CHSY3: variants seen among roughly 807,000 people sequenced by gnomAD.
CHSY3 encodes N-acetylgalactosaminyl-proteoglycan 3-beta-glucuronosyltransferase 3.
Under a neutral mutation model 67.2 loss-of-function variants are expected in CHSY3, and 35 were observed. The observed-to-expected ratio is 0.52, with a 90% CI of 0.40 to 0.69. The LOEUF is 0.69. Among genes scored for constraint, CHSY3 ranks in the 30% least tolerant of loss-of-function variants. The pLI is 0.00. For synonymous variants in CHSY3, 474 were observed against 434.7 expected (o/e 1.09, Z -1.12); for missense variants, 1,069 against 1,138.5 (o/e 0.94, Z 0.88).
chr5:130,141,758 G>A, intron 2 of CHSY3: 2 of 470,782 alleles, frequency 4.2e-6, no homozygotes, highest in East Asian at 5.5e-5. Flanking sequence ...ATTATCAACT[G>A]GCTGGATAAG....
chr5:130,025,668 G>C (rs901057150), intron 2 of CHSY3, among the ~76,000 whole-genome samples: 2 of 152,064 alleles, frequency 1.3e-5, no homozygotes, highest in African/African-American at 4.8e-5. Context: ...TGGTTTTTGA[G>C]TCATAGACAG....
intron 2 of CHSY3, among the ~76,000 whole-genome samples, chr5:129,935,565 A>C (rs1451143019): frequency 1.3e-5 from 2 of 152,220 alleles, no homozygotes; most frequent in Non-Finnish European, 2.9e-5. Flanking sequence ...AAATAGTTGC[A>C]TAAGGGGAGT....
At chr5:129,922,049 G>A (rs1338411619) in intron 2 of CHSY3, among the ~76,000 whole-genome samples, 2 of 152,046 alleles carry the variant, frequency 1.3e-5, no homozygotes, top group African/African-American at 2.4e-5. Context: ...TTCATGAGTT[G>A]TTGTTTTAAT....
chr5:129,976,825 G>T (rs1370048650), intron 2 of CHSY3, among the ~76,000 whole-genome samples: 2 of 151,434 alleles, frequency 1.3e-5, no homozygotes, highest in Non-Finnish European at 2.9e-5. Context: ...TCTGTCTGGG[G>T]GGTTCACTTC....
chr5:129,979,200 A>C (rs1465568373), intron 2 of CHSY3, among the ~76,000 whole-genome samples: 1 of 34,926 alleles, frequency 2.9e-5, no homozygotes, highest in South Asian at 7.4e-4. Context: ...ACTCCGTCTC[A>C]AAAAAAAAAA....
chr5:129,939,273 C>A lies in CHSY3; in HGVS notation c.1086+30913C>A, dbSNP rs370411767. On this transcript the variant is annotated intron_variant, in intron 2 of 2. Transcript: ENST00000305031. ...CCGATTCAGTCACCTCCTACCAGGC[C>A]CCTCCTCCAACACTGGGGATTGCAG... 1.1e-4 allele frequency among the ~76,000 whole-genome samples: 17 copies of A among 152,144 alleles called. No individual in the cohort carries two copies. In the East Asian group the frequency reaches 1.5e-3, roughly 14 times the overall value.
At chr5:129,926,273 A>G (rs533385473) in intron 2 of CHSY3, among the ~76,000 whole-genome samples, 9 of 152,170 alleles carry the variant, frequency 5.9e-5, no homozygotes, top group Admixed American at 5.9e-4. Context: ...TGTCAAGCCC[A>G]CAGGTTATTT....
intron 2 of CHSY3, among the ~76,000 whole-genome samples, chr5:130,070,261 T>A (rs71589965): frequency 6.6e-6 from 1 of 152,134 alleles, no homozygotes; most frequent in Non-Finnish European, 1.5e-5. Context: ...TGGATTACTG[T>A]TATGTATTCA....
At chr5:129,967,917 G>A (rs1319324200) in intron 2 of CHSY3, among the ~76,000 whole-genome samples, 1 of 151,736 alleles carries the variant, frequency 6.6e-6, no homozygotes, top group Non-Finnish European at 1.5e-5. Flanking sequence ...AAACTTGCAT[G>A]AATTTTTGGT....
chr5:130,000,290 T>C (rs535802684), intron 2 of CHSY3, among the ~76,000 whole-genome samples: 1 of 152,226 alleles, frequency 6.6e-6, no homozygotes, highest in Non-Finnish European at 1.5e-5. Context: ...AATAACACTT[T>C]GTAGCAGGTA....
chr5:129,965,667 G>A (rs142419511), intron 2 of CHSY3, among the ~76,000 whole-genome samples: 3 of 151,900 alleles, frequency 2.0e-5, no homozygotes, highest in Admixed American at 2.0e-4. Context: ...TCGTGGGGAG[G>A]TTACTAATTT....
chr5:130,000,287 C>G (rs746241503), intron 2 of CHSY3, among the ~76,000 whole-genome samples: 2 of 152,128 alleles, frequency 1.3e-5, no homozygotes, highest in Non-Finnish European at 2.9e-5. Flanking sequence ...AAAAATAACA[C>G]TTTGTAGCAG....
At chr5:130,149,492 C>T (rs1580782558) in intron 2 of CHSY3, among the ~76,000 whole-genome samples, 4 of 152,112 alleles carry the variant, frequency 2.6e-5, no homozygotes, top group African/African-American at 7.2e-5. Flanking sequence ...TGCATGAACT[C>T]GGAGCAAGAG....
chr5:130,097,507 AC>A (rs1179672902), intron 2 of CHSY3, among the ~76,000 whole-genome samples: 1 of 152,186 alleles, frequency 6.6e-6, no homozygotes, highest in African/African-American at 2.4e-5. Flanking sequence ...ACAAAGTGCT[AC>A]TGCAGGATTC....
intron 2 of CHSY3, among the ~76,000 whole-genome samples, chr5:130,043,108 C>T (rs747923838): frequency 6.6e-6 from 1 of 151,974 alleles, no homozygotes; most frequent in African/African-American, 2.4e-5. Context: ...TAACAAGGAG[C>T]CCTTTGCCTT....
intron 2 of CHSY3, among the ~76,000 whole-genome samples, chr5:129,966,079 A>G (rs1762460898): frequency 6.6e-6 from 1 of 151,818 alleles, no homozygotes; most frequent in African/African-American, 2.4e-5. Context: ...GATAGTCTGT[A>G]TTTGTATTAT....
intron 2 of CHSY3, among the ~76,000 whole-genome samples, chr5:130,022,132 T>C (rs1217908452): frequency 6.6e-6 from 1 of 152,106 alleles, no homozygotes; most frequent in Admixed American, 6.6e-5. Context: ...TGATTTACAG[T>C]ATTAATGTAG....
At chr5:130,156,359 A>G (rs1769375301) in intron 2 of CHSY3, among the ~76,000 whole-genome samples, 1 of 152,218 alleles carries the variant, frequency 6.6e-6, no homozygotes, top group Admixed American at 6.5e-5. Context: ...CTTAATGCCA[A>G]GGTACACTTG....
In CHSY3 at chr5:130,138,578, C is replaced by G. The variant is rs185811409; in HGVS notation, c.1087-45651C>G. ...CTAAAAGAATGGCAGACAGCCAAGA[C>G]TGCTGAATTTTTAGCCTAGAATACA... On this transcript the variant is annotated intron_variant, in intron 2 of 2. Coordinates refer to ENST00000305031, the MANE Select transcript of CHSY3 (RefSeq NM_175856.5). Among the ~76,000 whole-genome samples the G allele has an allele frequency of 1.6e-3, 250 of 152,346 alleles. 1 individual carries two copies. Among genetic ancestry groups the G allele is most frequent in the African/African-American group, 5.9e-3 (246 of 41,582 alleles).
Sources: gnomAD v4.1 joint callset for allele counts (sites outside exome capture counted in the v4.1 genomes callset) on GRCh38, gnomAD v4.1.1 for gene constraint, MANE v1.5 for transcripts, NCBI Gene and HGNC (gene_info 2026-07-23, HGNC 2026-07-21) for gene names.